SLC20A1: variants seen among roughly 807,000 people sequenced by gnomAD.
SLC20A1 encodes sodium-dependent phosphate transporter 1.
SLC20A1 carries 28 observed loss-of-function variants against 62.7 expected under a neutral mutation model. That is an observed-to-expected ratio of 0.45 (90% CI 0.33 to 0.61). The LOEUF is 0.61. SLC20A1 is among the 20% of genes least tolerant of loss of function. SLC20A1 has a pLI of 0.02. For synonymous variants in SLC20A1, 305 were observed against 302.9 expected (o/e 1.01, Z -0.07); for missense variants, 673 against 838.6 (o/e 0.80, Z 2.44).
Position 112,647,879 on chromosome 2 carries a change from C to T in SLC20A1, c.561+141C>T, listed in dbSNP as rs1247996507. 4.3e-6 allele frequency: 3 copies of T among 705,812 alleles called. No homozygotes were observed. In the African/African-American group the frequency reaches 5.3e-5, roughly 13 times the overall value. 43.7% of individuals were successfully genotyped at this position (705,812 alleles called of 1,614,324 possible). A position where few individuals can be genotyped will look rare whatever the true frequency, so the allele number is the denominator to read the frequency against. The stretch of plus-strand genomic sequence containing the variant: ...AAAAAGCTCTTTGTTCTGTGCATTT[C>T]TTGTATGTTGTGGAGTTCTCTGAAA... On this transcript the variant is annotated intron_variant, in intron 4 of 10. Transcript: ENST00000272542.
chr2:112,656,364 T>C (rs111322213), intron 5 of SLC20A1, among the ~76,000 whole-genome samples: 256 of 150,778 alleles, frequency 1.7e-3, no homozygotes, highest in African/African-American at 5.8e-3. Context: ...GCCCGGCTAA[T>C]TTTTTTTTGT....
chr2:112,655,982 T>A (rs547131518), intron 5 of SLC20A1, among the ~76,000 whole-genome samples: 15 of 152,222 alleles, frequency 9.9e-5, no homozygotes, highest in Non-Finnish European at 1.9e-4. Context: ...ATTACAGGTG[T>A]GAGCCACTGT....
At chr2:112,646,327 C>G (rs1361942379) in intron 1 of SLC20A1, among the ~76,000 whole-genome samples, 198 bp downstream of exon 1, 1 of 151,894 alleles carries the variant, frequency 6.6e-6, no homozygotes, top group East Asian at 1.9e-4. Flanking sequence ...CGGCCCTTTT[C>G]CGATTTTCGC....
intron 4 of SLC20A1, among the ~76,000 whole-genome samples, chr2:112,648,497 G>T (rs1006412792): frequency 1.3e-5 from 2 of 152,320 alleles, no homozygotes; most frequent in African/African-American, 4.8e-5. Context: ...ACAATCCATT[G>T]TAAGTTCTTA....
intron 8 of SLC20A1, 110 bp downstream of exon 8, chr2:112,659,872 TA>T (rs1466355641): frequency 2.4e-6 from 2 of 839,592 alleles, no homozygotes; most frequent in African/African-American, 3.4e-5. Flanking sequence ...GGACCCCAAA[TA>T]ATACAAATAG....
At chr2:112,657,715 G>A (rs2104648584) in intron 6 of SLC20A1, among the ~76,000 whole-genome samples, 1 of 152,326 alleles carries the variant, frequency 6.6e-6, no homozygotes, top group East Asian at 1.9e-4. Flanking sequence ...TGTACATGTT[G>A]TATATAGGCT....
In SLC20A1 at chr2:112,646,755, A is replaced by G. The variant is rs948967108; in HGVS notation, c.-74A>G. 4.8e-6 allele frequency: 4 copies of G among 833,938 alleles called. No individual in the cohort carries two copies. Among genetic ancestry groups the G allele is most frequent in the Non-Finnish European group, 7.5e-6 (4 of 535,030 alleles). The allele number at this position is 833,938 out of a possible 1,614,324, so 51.7% of individuals were successfully genotyped here. ...TATATTATTTATTATAGCATTTTTG[A>G]TACCTCATATTCTGTTTACACATCT... On this transcript the variant is annotated 5_prime_UTR_variant, in exon 2 of 11. Coordinates refer to ENST00000272542, the MANE Select transcript of SLC20A1 (RefSeq NM_005415.5).
intron 5 of SLC20A1, among the ~76,000 whole-genome samples, chr2:112,655,881 A>T (rs1686570986): frequency 6.6e-6 from 1 of 151,636 alleles, no homozygotes; most frequent in South Asian, 2.1e-4. Flanking sequence ...TTTAATTTTC[A>T]GTGGAGACGG....
chr2:112,663,429 C>G lies in SLC20A1; in HGVS notation c.*404C>G. The G allele has an allele frequency of 3.0e-6, 1 of 335,130 alleles. No homozygotes were observed. The highest frequency in any genetic ancestry group is 2.4e-5 in the South Asian group (1 of 41,642). The allele number at this position is 335,130 out of a possible 1,614,324, so 20.8% of individuals were successfully genotyped here. ...TCTGCGTTGTTGGTTTCACCAGCTTCTGCCCTCACATGCACAGGGATTTAA... is the reference window on the plus strand; with the variant it reads ...TCTGCGTTGTTGGTTTCACCAGCTTGTGCCCTCACATGCACAGGGATTTAA... On this transcript the variant is annotated 3_prime_UTR_variant, in exon 11 of 11. Transcript: ENST00000272542.
At chr2:112,654,235 T>G (rs184835872) in intron 5 of SLC20A1, among the ~76,000 whole-genome samples, 18 of 152,358 alleles carry the variant, frequency 1.2e-4, no homozygotes, top group African/African-American at 4.3e-4. Flanking sequence ...TTGTTCTTAC[T>G]TAGACTATAC....
At position 112,663,165 on chromosome 2, in the gene SLC20A1, T is replaced by G; in HGVS notation, c.*140T>G. The G allele has an allele frequency of 1.0e-6, 1 of 965,452 alleles. No homozygotes were observed. The highest frequency in any genetic ancestry group is 1.7e-6 in the Non-Finnish European group (1 of 596,404). The allele number at this position is 965,452 out of a possible 1,614,324, so 59.8% of individuals were successfully genotyped here. ...AGCCAGAGGAGGGAAGTGTTACTTG[T>G]GCTATAACTGCTTTTGTGCTAAATA... On this transcript the variant is annotated 3_prime_UTR_variant, in exon 11 of 11. Coordinates refer to ENST00000272542, the MANE Select transcript of SLC20A1 (RefSeq NM_005415.5).
intron 8 of SLC20A1, 76 bp downstream of exon 8, chr2:112,659,838 G>A: frequency 7.7e-7 from 1 of 1,295,822 alleles, no homozygotes; most frequent in Non-Finnish European, 1.1e-6. Flanking sequence ...TGTGCTTGTG[G>A]TAGTGGTACT....
intron 4 of SLC20A1, among the ~76,000 whole-genome samples, chr2:112,650,740 C>T (rs1686412177): frequency 6.6e-6 from 1 of 152,120 alleles, no homozygotes; most frequent in African/African-American, 2.4e-5. Flanking sequence ...CCTCCTGCCT[C>T]AGCCTCCAGA....
intron 5 of SLC20A1, among the ~76,000 whole-genome samples, chr2:112,656,562 T>C (rs752932612): frequency 6.6e-6 from 1 of 152,240 alleles, no homozygotes; most frequent in Non-Finnish European, 1.5e-5. Context: ...ATATCCTTGT[T>C]TTCTGTATCT....
intron 6 of SLC20A1, 124 bp from the exon 7 acceptor site, chr2:112,658,701 G>A (rs1686664759): frequency 3.7e-6 from 4 of 1,070,168 alleles, no homozygotes; most frequent in Admixed American, 5.1e-5. Flanking sequence ...GTTCCTGAAT[G>A]TTAATTGAAG....
intron 5 of SLC20A1, among the ~76,000 whole-genome samples, chr2:112,655,009 C>T (rs1686545314): frequency 7.7e-6 from 1 of 130,076 alleles, no homozygotes; most frequent in African/African-American, 2.8e-5. Flanking sequence ...CGCCCTGTCA[C>T]TCAGGTTGGA....
chr2:112,651,041 A>G (rs1172536147), intron 4 of SLC20A1, among the ~76,000 whole-genome samples: 1 of 152,212 alleles, frequency 6.6e-6, no homozygotes, highest in African/African-American at 2.4e-5. Context: ...AGGATGCTTA[A>G]CAGTTCTTGA....
At chr2:112,653,079 C>A in intron 5 of SLC20A1, 2 of 604,090 alleles carry the variant, frequency 3.3e-6, no homozygotes, top group Non-Finnish European at 5.6e-6. Context: ...TTTCTCCTGT[C>A]TATGCTAAAA....
At position 112,660,519 on chromosome 2, in the gene SLC20A1, A is replaced by G. The variant is rs1280686593; in HGVS notation, c.1740A>G (p.Gly580=). The stretch of plus-strand genomic sequence containing the variant: ...TCTGTGTTGGTCTGTGGGTTTGGGG[A>G]AGAAGAGTTATCCAGACCATGGGGA... ...VGICVGLWVW[G]RRVIQTMGKD... Residue 580 remains glycine (G), a synonymous_variant, in exon 9 of 11, where the codon GGA becomes GGG. Transcript: ENST00000272542. The G allele has an allele frequency of 6.2e-7, 1 of 1,614,116 alleles. No homozygotes were observed. The highest frequency in any genetic ancestry group is 1.1e-5 in the South Asian group (1 of 91,084).
Sources: allele counts gnomAD v4.1 joint callset (sites outside exome capture counted in the v4.1 genomes callset), GRCh38; gene constraint gnomAD v4.1.1; transcripts MANE v1.5; gene names NCBI Gene and HGNC (gene_info 2026-07-23, HGNC 2026-07-21).